GRID2: variants seen among roughly 807,000 people sequenced by gnomAD.
The protein encoded by GRID2 is glutamate ionotropic receptor delta type subunit 2.
Under a neutral mutation model 114.8 loss-of-function variants are expected in GRID2, and 33 were observed. The observed-to-expected ratio is 0.29, with a 90% CI of 0.22 to 0.38. GRID2 has a LOEUF of 0.38. Ranked by LOEUF, GRID2 falls within the 10% of genes least tolerant of loss-of-function variation. GRID2 has a pLI of 1.00. For missense variants in GRID2, 1,184 were observed against 1,257.7 expected (o/e 0.94, Z 0.89); for synonymous variants, 505 against 449.9 (o/e 1.12, Z -1.55).
chr4:92,319,460 A>G (rs1267518944), intron 1 of GRID2, among the ~76,000 whole-genome samples: 2 of 152,240 alleles, frequency 1.3e-5, no homozygotes. Context: ...TCCATGAAAC[A>G]TCCTTAGAGG....
chr4:93,185,453 T>C (rs116221500), intron 4 of GRID2, among the ~76,000 whole-genome samples: 137 of 152,296 alleles, frequency 9.0e-4, no homozygotes, highest in Non-Finnish European at 1.7e-3. Flanking sequence ...GACACTCAAA[T>C]CAATTTTTCA....
rs182019904 is a variant in GRID2, at chr4:92,878,732, T to C, written c.245-206263T>C. Among the ~76,000 whole-genome samples, 29 of 152,292 alleles carry C rather than the reference T, an allele frequency of 1.9e-4. No homozygotes were observed. The East Asian group carries it at 5.6e-3, about 29-fold the overall frequency. On this transcript the variant is annotated intron_variant, in intron 2 of 15. Transcript: ENST00000282020. ...TTGAATTCTTTATTTGCATGATATATAGTGATAGAAATAATATTCCCTGAG... is the reference window on the plus strand; with the variant it reads ...TTGAATTCTTTATTTGCATGATATACAGTGATAGAAATAATATTCCCTGAG...
intron 8 of GRID2, among the ~76,000 whole-genome samples, chr4:93,298,818 T>A (rs1282112781): frequency 6.6e-6 from 1 of 152,248 alleles, no homozygotes; most frequent in Non-Finnish European, 1.5e-5. Flanking sequence ...ACTTTTGAAA[T>A]GATTTGATTT....
intron 3 of GRID2, among the ~76,000 whole-genome samples, chr4:93,103,577 G>GA (rs1281688696): frequency 2.0e-5 from 3 of 151,662 alleles, no homozygotes; most frequent in Admixed American, 2.0e-4. Context: ...GTCTGGATAA[G>GA]AAAAAAAATC....
chr4:92,900,163 ACT>A (rs1344905207), intron 2 of GRID2, among the ~76,000 whole-genome samples: 1 of 152,112 alleles, frequency 6.6e-6, no homozygotes, highest in African/African-American at 2.4e-5. Context: ...ACTCTAACAG[ACT>A]CTGAGTGACA....
chr4:93,012,328 A>G (rs2149233448), intron 2 of GRID2, among the ~76,000 whole-genome samples: 1 of 152,194 alleles, frequency 6.6e-6, no homozygotes, highest in Non-Finnish European at 1.5e-5. Context: ...GCAGATTCAC[A>G]TACACACTCA....
chr4:92,564,722 G>C (rs1727254810), intron 1 of GRID2, among the ~76,000 whole-genome samples: 1 of 151,694 alleles, frequency 6.6e-6, no homozygotes. Flanking sequence ...AGTTAAAGGG[G>C]GTTAACCAAT....
chr4:93,163,264 A>G (rs2149410226), intron 4 of GRID2, among the ~76,000 whole-genome samples: 1 of 150,070 alleles, frequency 6.7e-6, no homozygotes, highest in South Asian at 2.1e-4. Flanking sequence ...TAAGAACATT[A>G]TGGAGCATAT....
At chr4:92,921,966 C>T (rs371311211) in intron 2 of GRID2, among the ~76,000 whole-genome samples, 10 of 152,314 alleles carry the variant, frequency 6.6e-5, no homozygotes, top group South Asian at 2.1e-4. Context: ...AGAGGCAGGC[C>T]GGCCTCCTTG....
At chr4:92,546,874 T>C (rs190195040) in intron 1 of GRID2, among the ~76,000 whole-genome samples, 1 of 152,178 alleles carries the variant, frequency 6.6e-6, no homozygotes, top group Admixed American at 6.5e-5. Context: ...AATGTGAAAG[T>C]CTTCACCATG....
At position 93,178,398 on chromosome 4, in the gene GRID2, T is replaced by A. The variant is rs1334427003; in HGVS notation, c.736-29006T>A. Among the ~76,000 whole-genome samples, 590 of 136,186 alleles carry A rather than the reference T, an allele frequency of 4.3e-3. 14 individuals carry two copies. Among genetic ancestry groups the A allele is most frequent in the African/African-American group, 0.016 (569 of 35,644 alleles). 89.3% of individuals were successfully genotyped at this position (136,186 alleles called of 152,430 possible). A position where few individuals can be genotyped will look rare whatever the true frequency, so the allele number is the denominator to read the frequency against. On this transcript the variant is annotated intron_variant, in intron 4 of 15. Transcript: ENST00000282020. ...AAAATAGATTTTTTTTTTTTTTTTT[T>A]TTTTTTTTTTTTCCAGAGAGAGGAA...
intron 2 of GRID2, among the ~76,000 whole-genome samples, chr4:92,657,187 C>A (rs1732284421): frequency 6.6e-6 from 1 of 150,724 alleles, no homozygotes; most frequent in East Asian, 1.9e-4. Context: ...TGAAAGAAGG[C>A]TCCAGGGCAT....
intron 2 of GRID2, among the ~76,000 whole-genome samples, chr4:92,883,127 A>C (rs1273280338): frequency 1.3e-5 from 2 of 152,210 alleles, no homozygotes; most frequent in Non-Finnish European, 2.9e-5. Flanking sequence ...TGCCTTATCA[A>C]CTCAATTTAT....
intron 2 of GRID2, among the ~76,000 whole-genome samples, chr4:92,605,818 T>A (rs929677670): frequency 6.6e-6 from 1 of 152,002 alleles, no homozygotes; most frequent in East Asian, 1.9e-4. Flanking sequence ...TACTTGTGAG[T>A]TTTTTACCTA....
chr4:93,131,170 G>A (rs1285051977), intron 4 of GRID2, among the ~76,000 whole-genome samples: 2 of 34,538 alleles, frequency 5.8e-5, no homozygotes, highest in African/African-American at 1.4e-4. Flanking sequence ...TTTTTTTTTT[G>A]GTGAGATGGA....
intron 2 of GRID2, among the ~76,000 whole-genome samples, chr4:92,938,077 C>T (rs1750800107): frequency 6.8e-6 from 1 of 146,412 alleles, no homozygotes; most frequent in African/African-American, 2.4e-5. Context: ...TTTTTAAATG[C>T]TCTTTATGCA....
At chr4:92,344,701 C>A (rs956401530) in intron 1 of GRID2, among the ~76,000 whole-genome samples, 1 of 152,128 alleles carries the variant, frequency 6.6e-6, no homozygotes, top group African/African-American at 2.4e-5. Context: ...GAATACCTAC[C>A]TGTGGCTTTT....
intron 2 of GRID2, among the ~76,000 whole-genome samples, chr4:92,960,334 A>G (rs1752718298): frequency 6.6e-6 from 1 of 151,938 alleles, no homozygotes; most frequent in Non-Finnish European, 1.5e-5. Context: ...TGCCTGTTGG[A>G]CCTGTCCATT....
chr4:93,327,749 G>C (rs1757994051), intron 8 of GRID2, among the ~76,000 whole-genome samples: 1 of 151,370 alleles, frequency 6.6e-6, no homozygotes, highest in Admixed American at 6.6e-5. Flanking sequence ...TGGGGGTCAA[G>C]TGGGGGGATG....
Sources: allele counts gnomAD v4.1 joint callset (sites outside exome capture counted in the v4.1 genomes callset), GRCh38; gene constraint gnomAD v4.1.1; transcripts MANE v1.5; gene names NCBI Gene and HGNC (gene_info 2026-07-23, HGNC 2026-07-21).